Variants in ANKS1B observed in about 807,000 individuals in gnomAD.
ANKS1B encodes the protein ankyrin repeat and sterile alpha motif domain-containing protein 1B.
A neutral mutation model predicts 148.3 loss-of-function variants in ANKS1B; 36 were observed. The observed-to-expected ratio is 0.24, with a 90% CI of 0.19 to 0.32. The LOEUF is 0.32. ANKS1B is among the 10% of genes least tolerant of loss of function. The pLI, the probability that ANKS1B is intolerant of heterozygous loss-of-function variation, is 1.00. For synonymous variants in ANKS1B, 542 were observed against 560.8 expected, an observed-to-expected ratio of 0.97 and a Z score of 0.47; for missense variants, 1,157 against 1,542.6, an observed-to-expected ratio of 0.75 and a Z score of 4.19.
At chr12:99,201,244 T>C (rs1202565657) in intron 14 of ANKS1B, among the ~76,000 whole-genome samples, 2 of 152,164 alleles carry the variant, frequency 1.3e-5, no homozygotes, top group East Asian at 1.9e-4. Context: ...GATTAAAGAA[T>C]GTGGTCAGGC....
intron 10 of ANKS1B, among the ~76,000 whole-genome samples, chr12:99,457,483 G>A (rs1351353917): frequency 6.6e-6 from 1 of 152,082 alleles, no homozygotes; most frequent in African/African-American, 2.4e-5. Context: ...ACACAGAATG[G>A]TAGAATGGAT....
chr12:99,820,104 ATT>A (rs1375655336), intron 2 of ANKS1B, among the ~76,000 whole-genome samples: 1 of 151,912 alleles, frequency 6.6e-6, no homozygotes, highest in African/African-American at 2.4e-5. Flanking sequence ...CTTGCAGTAA[ATT>A]TTGTTTTATT....
chr12:98,997,323 G>T (rs1181795205), intron 17 of ANKS1B, among the ~76,000 whole-genome samples: 1 of 151,776 alleles, frequency 6.6e-6, no homozygotes, highest in Non-Finnish European at 1.5e-5. Context: ...TTGATGAGTT[G>T]CTTGAGTTAA....
At chr12:99,753,742 G>C (rs7488189) in intron 8 of ANKS1B, among the ~76,000 whole-genome samples, 66,427 of 151,810 alleles carry the variant, frequency 0.44, 14,934 homozygotes, top group South Asian at 0.61. Flanking sequence ...ACAAAGTAGG[G>C]TGGGCACGGT....
chr12:99,721,527 C>T (rs1303959970), intron 8 of ANKS1B, among the ~76,000 whole-genome samples: 1 of 152,152 alleles, frequency 6.6e-6, no homozygotes, highest in Non-Finnish European at 1.5e-5. Flanking sequence ...CCCTACTGAG[C>T]ACCTTGTGAC....
intron 8 of ANKS1B, among the ~76,000 whole-genome samples, chr12:99,684,280 A>G (rs774044082): frequency 9.2e-5 from 14 of 152,128 alleles, no homozygotes; most frequent in Admixed American, 5.2e-4. Flanking sequence ...TGACAAAATC[A>G]ATATATACAA....
At chr12:99,472,752 T>C (rs181984822) in intron 10 of ANKS1B, among the ~76,000 whole-genome samples, 5 of 152,150 alleles carry the variant, frequency 3.3e-5, no homozygotes, top group East Asian at 3.9e-4. Flanking sequence ...CCAATCTCTA[T>C]ACACCGAGTT....
intron 9 of ANKS1B, among the ~76,000 whole-genome samples, chr12:99,588,054 A>G (rs2097661983): frequency 6.6e-6 from 1 of 152,154 alleles, no homozygotes; most frequent in Non-Finnish European, 1.5e-5. Context: ...TAGTGGAGAA[A>G]GTCTTGTAAT....
chr12:98,917,741 A>T (rs2099796325), intron 17 of ANKS1B, among the ~76,000 whole-genome samples: 1 of 152,210 alleles, frequency 6.6e-6, no homozygotes, highest in African/African-American at 2.4e-5. Context: ...TTAGTGAAGC[A>T]AATCCTGCGT....
At chr12:99,331,996 T>G (rs1012103292) in intron 12 of ANKS1B, among the ~76,000 whole-genome samples, 3 of 152,008 alleles carry the variant, frequency 2.0e-5, no homozygotes, top group African/African-American at 7.2e-5. Context: ...TGACAATATA[T>G]TCACAGCTGG....
At chr12:99,139,996 T>G (rs967904727) in intron 15 of ANKS1B, among the ~76,000 whole-genome samples, 1 of 152,214 alleles carries the variant, frequency 6.6e-6, no homozygotes, top group African/African-American at 2.4e-5. Context: ...GTTAATATAC[T>G]TCACAGTCTG....
intron 10 of ANKS1B, among the ~76,000 whole-genome samples, chr12:99,467,849 A>C (rs1007317558): frequency 1.3e-5 from 2 of 152,234 alleles, no homozygotes; most frequent in Non-Finnish European, 1.5e-5. Flanking sequence ...AATATCGTGA[A>C]AATGGCATAC....
chr12:98,812,443 A>G (rs2099104647), intron 19 of ANKS1B, among the ~76,000 whole-genome samples: 1 of 152,196 alleles, frequency 6.6e-6, no homozygotes, highest in South Asian at 2.1e-4. Flanking sequence ...TGACGAAATC[A>G]CCTAACGATG....
chr12:99,128,990 C>T lies in ANKS1B; in HGVS notation c.2526+25299G>A, dbSNP rs1211146469. On this transcript the variant is annotated intron_variant, in intron 15 of 26. Transcript: ENST00000683438. ...TAATTCTACATGCAGGAGGATGGAGCAGGTGGGGCCGTTTCAGGGCCAGGA... is the reference window on the plus strand; with the variant it reads ...TAATTCTACATGCAGGAGGATGGAGTAGGTGGGGCCGTTTCAGGGCCAGGA... Among the ~76,000 whole-genome samples the T allele has an allele frequency of 2.0e-5, 3 of 152,140 alleles. 1 individual carries two copies. Among genetic ancestry groups the T allele is most frequent in the Middle Eastern group, 6.3e-3 (2 of 316 alleles).
chr12:98,886,524 T>C (rs1474084805), intron 17 of ANKS1B, among the ~76,000 whole-genome samples: 2 of 152,190 alleles, frequency 1.3e-5, no homozygotes, highest in Non-Finnish European at 2.9e-5. Flanking sequence ...TAAGGATAAG[T>C]GATGTTCCTG....
intron 14 of ANKS1B, among the ~76,000 whole-genome samples, chr12:99,211,966 C>A: frequency 6.6e-6 from 1 of 152,200 alleles, no homozygotes; most frequent in South Asian, 2.1e-4. Flanking sequence ...AGGCAGAATG[C>A]TAGCTCTCTC....
At chr12:98,942,434 G>A (rs2099838441) in intron 17 of ANKS1B, among the ~76,000 whole-genome samples, 1 of 152,146 alleles carries the variant, frequency 6.6e-6, no homozygotes, top group African/African-American at 2.4e-5. Context: ...GCAAGCAGAG[G>A]TCAGCCACTT....
intron 14 of ANKS1B, among the ~76,000 whole-genome samples, chr12:99,212,803 A>T (rs1319393556): frequency 6.6e-6 from 1 of 152,188 alleles, no homozygotes; most frequent in Non-Finnish European, 1.5e-5. Flanking sequence ...CTATAGGCAG[A>T]TGTCATTGAA....
chr12:99,544,274 A>T (rs1304961006), intron 9 of ANKS1B, among the ~76,000 whole-genome samples: 7 of 152,154 alleles, frequency 4.6e-5, no homozygotes, highest in Non-Finnish European at 8.8e-5. Context: ...AAGTATTTCA[A>T]TTCTCACTCC....
Sources: allele counts gnomAD v4.1 joint callset (sites outside exome capture counted in the v4.1 genomes callset), GRCh38; gene constraint gnomAD v4.1.1; transcripts MANE v1.5; gene names NCBI Gene and HGNC (gene_info 2026-07-23, HGNC 2026-07-21).